The following ZNF45 variants were observed in gnomAD, a reference collection of about 807,000 sequenced individuals.
ZNF45 encodes the protein BRC1744.
Under a neutral mutation model 12.0 loss-of-function variants are expected in ZNF45, and 4 were observed. The ratio of observed to expected loss-of-function variants is 0.33; its 90% CI spans 0.16 to 0.76. ZNF45 has a LOEUF of 0.76. ZNF45 is among the 30% of genes least tolerant of loss of function. The probability of loss-of-function intolerance (pLI) is 0.60; values close to 1 mark genes in which losing one functional copy is unlikely to be tolerated. For synonymous variants in ZNF45, 272 were observed against 279.6 expected (o/e 0.97, Z 0.27); for missense variants, 700 against 813.0 (o/e 0.86, Z 1.69).
In ZNF45 at chr19:43,919,745, A is replaced by G. The variant is rs772073644; in HGVS notation, c.16-46T>C. ...CACCTAAATCTTGCAATAAAGGTCC[A>G]CTGGAAAAGGGATAGCACTGAGAAA... is the stretch of plus-strand genomic sequence containing the variant. On this transcript the variant is annotated intron_variant, in intron 7 of 9. Transcript: ENST00000269973. The G allele has an allele frequency of 6.3e-6, 10 of 1,599,370 alleles. No individual in the cohort carries two copies. The Admixed American group carries it at 1.5e-4, about 24-fold the overall frequency.
intron 7 of ZNF45, among the ~76,000 whole-genome samples, chr19:43,921,277 A>C (rs1247547621): frequency 6.6e-6 from 1 of 152,238 alleles, no homozygotes; most frequent in East Asian, 1.9e-4. Context: ...ACTGCCTCAT[A>C]AAGTTGGTTT....
Position 43,914,061 on chromosome 19 carries a change from G to T in ZNF45, c.1375C>A (p.Leu459Ile). 6.2e-7 allele frequency: 1 copy of T among 1,614,108 alleles called. No homozygotes were observed. The highest frequency in any genetic ancestry group is 8.5e-7 in the Non-Finnish European group (1 of 1,180,008). Residue 459 changes from leucine (L) to isoleucine (I), a missense_variant, in exon 10 of 10, where the codon CTT becomes ATT. Leu to Ile is a conservative substitution (Grantham distance 5). Coordinates refer to ENST00000269973, the MANE Select transcript of ZNF45 (RefSeq NM_003425.4). Reference sequence around the variant, plus strand: ...GTGTGGCCTCTTTGATGGGCCAGAAGATTTGAGGCCTGGCTGAAGCCCTTG... The same window carrying T: ...GTGTGGCCTCTTTGATGGGCCAGAATATTTGAGGCCTGGCTGAAGCCCTTG... ...CGKGFSQASNLLAHQRGHTGE... is the reference protein window; with the variant it reads ...CGKGFSQASNILAHQRGHTGE...
At position 43,913,244 on chromosome 19, in the gene ZNF45, G is replaced by T; in HGVS notation, c.*143C>A. On this transcript the variant is annotated 3_prime_UTR_variant, in exon 10 of 10. Transcript: ENST00000269973. ...TCAATGTTCTGAATGCAGTCCATATGTCTCCACTCTTGTGAGGCTTCTCTG... is the reference window on the plus strand; with the variant it reads ...TCAATGTTCTGAATGCAGTCCATATTTCTCCACTCTTGTGAGGCTTCTCTG... The T allele has an allele frequency of 1.1e-6, 1 of 881,048 alleles. No individual in the cohort carries two copies. The highest frequency in any genetic ancestry group is 1.7e-6 in the Non-Finnish European group (1 of 590,468). 54.6% of individuals were successfully genotyped at this position (881,048 alleles called of 1,614,324 possible). A position where few individuals can be genotyped will look rare whatever the true frequency, so the allele number is the denominator to read the frequency against.
intron 2 of ZNF45, among the ~76,000 whole-genome samples, chr19:43,933,923 C>A (rs979557272): frequency 1.3e-5 from 2 of 152,156 alleles, no homozygotes; most frequent in Admixed American, 6.5e-5. Flanking sequence ...AGTCTAAACT[C>A]AACCTTGCTT....
At chr19:43,916,599 G>A (rs1329449471) in intron 9 of ZNF45, among the ~76,000 whole-genome samples, 3 of 152,120 alleles carry the variant, frequency 2.0e-5, no homozygotes, top group Admixed American at 6.5e-5. Context: ...ATGAGAACGA[G>A]CATTTTATAT....
chr19:43,914,372 G>A lies in ZNF45; in HGVS notation c.1064C>T (p.Thr355Ile). The A allele has an allele frequency of 6.2e-7, 1 of 1,612,152 alleles. No homozygotes were observed. Among genetic ancestry groups the A allele is most frequent in the Middle Eastern group, 1.7e-4 (1 of 6,046 alleles). ...SHLNIHCRIH[T>I]GEKPYKCEEC... ...CTCACACTTATAGGGTTTCTCTCCTGTGTGGATTCTACAATGAATATTAAG... is the reference window on the plus strand; with the variant it reads ...CTCACACTTATAGGGTTTCTCTCCTATGTGGATTCTACAATGAATATTAAG... The change falls in exon 10 of 10, where the codon ACA (threonine) becomes ATA (isoleucine). Residue 355 changes from threonine (T) to isoleucine (I), a missense_variant. Thr to Ile is a moderately conservative substitution (Grantham distance 89). Transcript: ENST00000269973.
At chr19:43,917,958 TA>T (rs1186775572) in intron 9 of ZNF45, among the ~76,000 whole-genome samples, 2 of 152,242 alleles carry the variant, frequency 1.3e-5, no homozygotes, top group African/African-American at 4.8e-5. Flanking sequence ...AGTATATGTT[TA>T]TTTAATGGCT....
chr19:43,919,720 C>A, intron 7 of ZNF45, 21 bp from the exon 8 acceptor site: 3 of 1,607,704 alleles, frequency 1.9e-6, no homozygotes, highest in Non-Finnish European at 2.6e-6. Context: ...AAACACACTC[C>A]ACCTAAATCT....
chr19:43,918,835 C>G lies in ZNF45; in HGVS notation c.235+35G>C, dbSNP rs1393234768. On this transcript the variant is annotated intron_variant, in intron 9 of 9. Transcript: ENST00000269973. ...AACCTTGGAATATCTCCAAGGCTAA[C>G]AGAAAAATGTCCAGCAGCCCCAGCC... The G allele has an allele frequency of 1.9e-6, 3 of 1,582,608 alleles. No homozygotes were observed. In the African/African-American group the frequency reaches 4.0e-5, roughly 21 times the overall value.
intron 9 of ZNF45, among the ~76,000 whole-genome samples, chr19:43,915,920 C>A (rs1231347732): frequency 6.6e-6 from 1 of 152,074 alleles, no homozygotes; most frequent in Non-Finnish European, 1.5e-5. Flanking sequence ...AAATAGCCTC[C>A]ATGAGAACAC....
rs767364054 is a variant in ZNF45 at position 43,914,774 on chromosome 19, G to T, written c.662C>A (p.Thr221Lys). The T allele has an allele frequency of 1.2e-6, 2 of 1,614,100 alleles. No homozygotes were observed. The highest frequency in any genetic ancestry group is 1.1e-5 in the South Asian group (1 of 91,080). Reference sequence around the variant, plus strand: ...AAAACTCCTGTAACTTGCATCATTTGTGTATGATTTTGCTCTACTGTGGAC... The same window carrying T: ...AAAACTCCTGTAACTTGCATCATTTTTGTATGATTTTGCTCTACTGTGGAC... ...QRVHSRAKSY[T>K]NDASYRSFSQ... Residue 221 changes from threonine to lysine, a missense_variant, in exon 10 of 10, where the codon ACA becomes AAA. Physicochemically the swap from Thr to Lys is moderately conservative, Grantham distance 78. Coordinates refer to ENST00000269973, the MANE Select transcript of ZNF45 (RefSeq NM_003425.4).
chr19:43,918,779 A>C, intron 9 of ZNF45, 91 bp downstream of exon 9: 1 of 1,051,994 alleles, frequency 9.5e-7, no homozygotes, highest in Admixed American at 1.9e-5. Context: ...ACTGTTCTAG[A>C]CTATGCCTTC....
In ZNF45 at chr19:43,934,986, C is replaced by T. The variant is rs543044787; in HGVS notation, c.-818G>A. The stretch of plus-strand genomic sequence containing the variant: ...AGGTGGGGGAAGGCGGGTCGGGCCG[C>T]TGAGAGCCCAGGAGATCCTCAGACG... On this transcript the variant is annotated 5_prime_UTR_variant, in exon 1 of 10. Transcript: ENST00000269973. The T allele has an allele frequency of 1.3e-5, 2 of 152,464 alleles. No homozygotes were observed. Among genetic ancestry groups the T allele is most frequent in the Admixed American group, 6.5e-5 (1 of 15,310 alleles). The allele number at this position is 152,464 out of a possible 1,614,324, so 9.4% of individuals were successfully genotyped here. A position where few individuals can be genotyped will look rare whatever the true frequency, so the allele number is the denominator to read the frequency against.
chr19:43,920,546 G>C (rs894105318), intron 7 of ZNF45, among the ~76,000 whole-genome samples: 2 of 123,130 alleles, frequency 1.6e-5, no homozygotes, highest in African/African-American at 2.9e-5. Flanking sequence ...GGGGGGGGGG[G>C]GCAGTGGGCG....
In ZNF45 at chr19:43,913,871, T is replaced by C; in HGVS notation, c.1565A>G (p.His522Arg). The change falls in exon 10 of 10, where the codon CAC becomes CGC. Residue 522 changes from histidine to arginine, a missense_variant. Transcript: ENST00000269973. ...FSSLQVHQRV[H>R]TGEKPYQCAE... Reference sequence around the variant, plus strand: ...ACACTGATATGGTTTCTCTCCAGTGTGAACTCTCTGATGCACCTGAAGGCT... The same window carrying C: ...ACACTGATATGGTTTCTCTCCAGTGCGAACTCTCTGATGCACCTGAAGGCT... 6.2e-7 allele frequency: 1 copy of C among 1,613,762 alleles called. No homozygotes were observed. The highest frequency in any genetic ancestry group is 8.5e-7 in the Non-Finnish European group (1 of 1,179,830).
At position 43,915,005 on chromosome 19, in the gene ZNF45, C is replaced by A. The variant is rs776309202; in HGVS notation, c.431G>T (p.Gly144Val). The change falls in exon 10 of 10, where the codon GGA (glycine) becomes GTA (valine). Residue 144 changes from glycine (G) to valine (V), a missense_variant. Physicochemically the swap from Gly to Val is moderately radical, Grantham distance 109. Transcript: ENST00000269973. ...KRDDLHYKDE[G>V]FSNQSSHLQV... ...AAGATGGGAACTCTGATTACTGAAT[C>A]CCTCATCTTTATAGTGCAAATCATC... The A allele has an allele frequency of 6.2e-7, 1 of 1,607,332 alleles. No individual in the cohort carries two copies. Among genetic ancestry groups the A allele is most frequent in the Non-Finnish European group, 8.5e-7 (1 of 1,175,728 alleles).
At chr19:43,919,428 GA>G in intron 8 of ZNF45, 144 bp downstream of exon 8, 1 of 981,066 alleles carries the variant, frequency 1.0e-6, no homozygotes, top group Non-Finnish European at 1.5e-6. Context: ...TGCCAGGGGA[GA>G]AAGACTTTAA....
intron 3 of ZNF45, among the ~76,000 whole-genome samples, chr19:43,927,101 C>T (rs1973744735): frequency 6.6e-6 from 1 of 152,174 alleles, no homozygotes; most frequent in South Asian, 2.1e-4. Flanking sequence ...CAGAGTCTCT[C>T]TCTAGCCATC....
At chr19:43,928,760 C>G (rs1318967540) in intron 3 of ZNF45, among the ~76,000 whole-genome samples, 1 of 152,232 alleles carries the variant, frequency 6.6e-6, no homozygotes, top group African/African-American at 2.4e-5. Context: ...CTCTTTCTCT[C>G]TGATACTAAC....
Sources: gnomAD v4.1 joint callset for allele counts (sites outside exome capture counted in the v4.1 genomes callset) on GRCh38, gnomAD v4.1.1 for gene constraint, MANE v1.5 for transcripts, NCBI Gene and HGNC (gene_info 2026-07-23, HGNC 2026-07-21) for gene names.